KCNQ5: variants seen among roughly 807,000 people sequenced by gnomAD.
KCNQ5 encodes potassium voltage-gated channel subfamily KQT member 5.
KCNQ5 carries 30 observed loss-of-function variants against 98.2 expected under a neutral mutation model. The observed-to-expected ratio is 0.31, with a 90% CI of 0.23 to 0.41. KCNQ5 has a LOEUF of 0.41. KCNQ5 is among the 10% of genes least tolerant of loss of function. KCNQ5 has a pLI of 1.00. For missense variants in KCNQ5, 835 were observed against 1,182.5 expected (o/e 0.71, Z 4.31); for synonymous variants, 458 against 449.4 (o/e 1.02, Z -0.24).
At chr6:73,079,962 A>T (rs2150394001) in intron 5 of KCNQ5, among the ~76,000 whole-genome samples, 1 of 152,326 alleles carries the variant, frequency 6.6e-6, no homozygotes, top group African/African-American at 2.4e-5. Context: ...TATTTGACTT[A>T]CTGAGGCACC....
intron 3 of KCNQ5, among the ~76,000 whole-genome samples, chr6:73,063,771 G>T (rs1772931770): frequency 7.3e-6 from 1 of 136,382 alleles, no homozygotes. Context: ...AGATATAATA[G>T]ATCTACACAT....
At chr6:72,925,407 C>T (rs1309452128) in intron 1 of KCNQ5, among the ~76,000 whole-genome samples, 2 of 152,192 alleles carry the variant, frequency 1.3e-5, no homozygotes, top group Non-Finnish European at 2.9e-5. Flanking sequence ...CTAGTTTTTG[C>T]ATCTTGTAAT....
intron 3 of KCNQ5, among the ~76,000 whole-genome samples, chr6:73,046,077 A>C (rs1018399787): frequency 1.3e-5 from 2 of 152,138 alleles, no homozygotes; most frequent in Non-Finnish European, 2.9e-5. Context: ...ACTCTAATAT[A>C]TCTATGATTT....
At chr6:72,658,578 A>ATTTTTT (rs1219877866) in intron 1 of KCNQ5, among the ~76,000 whole-genome samples, 2 of 76,380 alleles carry the variant, frequency 2.6e-5, no homozygotes, top group Non-Finnish European at 5.7e-5. Flanking sequence ...ATATATATAT[A>ATTTTTT]TTTTTTTTTT....
intron 1 of KCNQ5, among the ~76,000 whole-genome samples, chr6:73,001,305 G>T (rs1359985163): frequency 6.6e-6 from 1 of 152,074 alleles, no homozygotes; most frequent in East Asian, 1.9e-4. Flanking sequence ...ATTCCTAGTG[G>T]TAAGAATTTG....
chr6:72,773,175 T>C (rs1179532168), intron 1 of KCNQ5, among the ~76,000 whole-genome samples: 1 of 152,138 alleles, frequency 6.6e-6, no homozygotes, highest in Non-Finnish European at 1.5e-5. Flanking sequence ...CAAAGACACA[T>C]GCACACATAT....
At chr6:73,050,218 G>C (rs1203949519) in intron 3 of KCNQ5, among the ~76,000 whole-genome samples, 2 of 144,396 alleles carry the variant, frequency 1.4e-5, no homozygotes, top group Non-Finnish European at 3.0e-5. Context: ...CAGAGAGAGA[G>C]AGAGACAAAG....
intron 1 of KCNQ5, among the ~76,000 whole-genome samples, chr6:72,672,439 A>AT (rs1767174940): frequency 6.6e-6 from 1 of 152,150 alleles, no homozygotes; most frequent in South Asian, 2.1e-4. Context: ...TAGAGTAAGC[A>AT]TTTTTTAATA....
rs556001008 is a variant in KCNQ5, at chr6:72,705,561, T to A, written c.398+82974T>A. ...ATGCCTAGAGGTTTTACTGTCCAAA[T>A]TTTTTTTTTGTTTTTTGTTGTTGTT... On this transcript the variant is annotated intron_variant, in intron 1 of 13. Coordinates refer to ENST00000370398, the MANE Select transcript of KCNQ5 (RefSeq NM_019842.4). Among the ~76,000 whole-genome samples, 18 of 145,160 alleles carry A rather than the reference T, an allele frequency of 1.2e-4. No homozygotes were observed. The East Asian group carries it at 3.0e-3, about 24-fold the overall frequency.
At chr6:73,034,545 A>G (rs1294533637) in intron 2 of KCNQ5, among the ~76,000 whole-genome samples, 1 of 151,536 alleles carries the variant, frequency 6.6e-6, no homozygotes, top group Non-Finnish European at 1.5e-5. Context: ...AGTGCTGTTA[A>G]TTAATGAGAA....
intron 1 of KCNQ5, among the ~76,000 whole-genome samples, chr6:72,819,810 C>T (rs866191376): frequency 2.0e-5 from 3 of 152,186 alleles, no homozygotes; most frequent in Admixed American, 6.5e-5. Flanking sequence ...TGAGCTTCTC[C>T]GAAGGTAACC....
chr6:72,670,099 G>T (rs1377791160), intron 1 of KCNQ5, among the ~76,000 whole-genome samples: 1 of 152,002 alleles, frequency 6.6e-6, no homozygotes, highest in Non-Finnish European at 1.5e-5. Flanking sequence ...CACAATTCCT[G>T]CTTTCTACAA....
chr6:72,878,981 A>C (rs976283934), intron 1 of KCNQ5, among the ~76,000 whole-genome samples: 1 of 152,210 alleles, frequency 6.6e-6, no homozygotes, highest in African/African-American at 2.4e-5. Flanking sequence ...ATAATGTTAT[A>C]GTCATATTTT....
intron 1 of KCNQ5, among the ~76,000 whole-genome samples, chr6:72,932,513 T>C (rs901667962): frequency 6.6e-6 from 1 of 152,188 alleles, no homozygotes; most frequent in African/African-American, 2.4e-5. Context: ...TTGACAAAAA[T>C]AAACACTTAA....
intron 3 of KCNQ5, among the ~76,000 whole-genome samples, chr6:73,074,510 T>C (rs1177050699): frequency 6.6e-6 from 1 of 152,230 alleles, no homozygotes; most frequent in Admixed American, 6.5e-5. Context: ...TGTGATTCAC[T>C]GTGTGCATAA....
chr6:72,873,122 A>G (rs1778279729), intron 1 of KCNQ5, among the ~76,000 whole-genome samples: 1 of 152,102 alleles, frequency 6.6e-6, no homozygotes, highest in Non-Finnish European at 1.5e-5. Context: ...TTTCTTTTCA[A>G]TCAATGAGAT....
chr6:73,101,282 C>G (rs1228621018), intron 5 of KCNQ5, among the ~76,000 whole-genome samples: 1 of 152,128 alleles, frequency 6.6e-6, no homozygotes, highest in East Asian at 1.9e-4. Context: ...TTAAAAAGAT[C>G]ATCCATCATG....
At position 73,105,292 on chromosome 6, in the gene KCNQ5, T is replaced by G; in HGVS notation, c.954T>G (p.Thr318=). 5 of 1,611,492 alleles carry G rather than the reference T, an allele frequency of 3.1e-6. No homozygotes were observed. The highest frequency in any genetic ancestry group is 3.4e-6 in the Non-Finnish European group (4 of 1,178,538). The change falls in exon 6 of 14, where the codon ACT becomes ACG. Residue 318 remains threonine (T), a synonymous_variant. Coordinates refer to ENST00000370398, the MANE Select transcript of KCNQ5 (RefSeq NM_019842.4). Reference sequence around the variant, plus strand: ...CAACTATTGGCTATGGAGACAAAACTCCCCTAACTTGGCTGGGAAGATTGC... The same window carrying G: ...CAACTATTGGCTATGGAGACAAAACGCCCCTAACTTGGCTGGGAAGATTGC... ...TLTTIGYGDK[T]PLTWLGRLLS...
intron 1 of KCNQ5, among the ~76,000 whole-genome samples, chr6:72,921,939 G>A (rs925841569): frequency 6.6e-6 from 1 of 152,116 alleles, no homozygotes; most frequent in African/African-American, 2.4e-5. Context: ...AAGACATGTG[G>A]CTCCCTCAAC....
Sources: allele counts gnomAD v4.1 joint callset (sites outside exome capture counted in the v4.1 genomes callset), GRCh38; gene constraint gnomAD v4.1.1; transcripts MANE v1.5; gene names NCBI Gene and HGNC (gene_info 2026-07-23, HGNC 2026-07-21).